ELAVL1: variants seen among roughly 807,000 people sequenced by gnomAD.
The protein encoded by ELAVL1 is ELAV like RNA binding protein 1.
A neutral mutation model predicts 28.4 loss-of-function variants in ELAVL1; 1 was observed. That is an observed-to-expected ratio of 0.04 (90% CI 0.01 to 0.17). The LOEUF is 0.17. Ranked by LOEUF, ELAVL1 falls within the 10% of genes least tolerant of loss-of-function variation. The pLI is 1.00. For missense variants in ELAVL1, 157 were observed against 447.2 expected, an observed-to-expected ratio of 0.35 and a Z score of 5.85; for synonymous variants, 174 against 183.5, an observed-to-expected ratio of 0.95 and a Z score of 0.42.
rs1453411043 is a variant in ELAVL1, at chr19:7,981,823, G to A, written c.173-637C>T. ...GGGCCTGGGTGGTGAGGATGAGGAAGGCCACGGCAGTGGACAGGCTGGTGG... is the reference window on the plus strand; with the variant it reads ...GGGCCTGGGTGGTGAGGATGAGGAAAGCCACGGCAGTGGACAGGCTGGTGG... On this transcript the variant is annotated intron_variant, in intron 2 of 5. Transcript: ENST00000407627. The surrounding 1 kb of genome is among the most constrained non-coding windows in gnomAD (Gnocchi z 4.2). Among the ~76,000 whole-genome samples, 1 of 151,716 alleles carries A rather than the reference G, an allele frequency of 6.6e-6. No homozygotes were observed. Among genetic ancestry groups the A allele is most frequent in the Non-Finnish European group, 1.5e-5 (1 of 67,822 alleles).
At chr19:7,965,943 A>C (rs753373183) in intron 5 of ELAVL1, among the ~76,000 whole-genome samples, 2 of 152,206 alleles carry the variant, frequency 1.3e-5, no homozygotes, top group African/African-American at 2.4e-5. Flanking sequence ...CCAGCTTTGG[A>C]ATTTGAGCCA....
At position 7,979,381 on chromosome 19, in the gene ELAVL1, C is replaced by T. The variant is rs903896538; in HGVS notation, c.276+1702G>A. ...AACTCAGGCAGCCACTCCAGCCTTT[C>T]CCACCAACATCAATCCTAGAGAGGC... On this transcript the variant is annotated intron_variant, in intron 3 of 5. Coordinates refer to ENST00000407627, the MANE Select transcript of ELAVL1 (RefSeq NM_001419.3). The surrounding 1 kb of genome is among the most constrained non-coding windows in gnomAD (Gnocchi z 5.4). Among the ~76,000 whole-genome samples, 2 of 152,250 alleles carry T rather than the reference C, an allele frequency of 1.3e-5. No individual in the cohort carries two copies. Among genetic ancestry groups the T allele is most frequent in the African/African-American group, 4.8e-5 (2 of 41,462 alleles).
At chr19:7,987,649 T>C (rs1038163541) in intron 2 of ELAVL1, among the ~76,000 whole-genome samples, 16 of 152,246 alleles carry the variant, frequency 1.1e-4, no homozygotes, top group African/African-American at 2.9e-4. Context: ...CAGTATTTGC[T>C]GAATGATGAT....
chr19:7,967,071 T>C (rs750826382), intron 5 of ELAVL1, among the ~76,000 whole-genome samples: 8 of 151,812 alleles, frequency 5.3e-5, no homozygotes, highest in Non-Finnish European at 1.0e-4. Flanking sequence ...GTTCTGGCCC[T>C]GTGGCCCAGG....
At chr19:7,987,125 G>GC (rs1436207267) in intron 2 of ELAVL1, among the ~76,000 whole-genome samples, 1 of 146,112 alleles carries the variant, frequency 6.8e-6, no homozygotes, top group Admixed American at 6.7e-5. Context: ...CCGGGGGGGG[G>GC]GGAGGGTGCA....
intron 1 of ELAVL1, chr19:8,002,119 C>T: frequency 2.3e-6 from 3 of 1,289,434 alleles, no homozygotes; most frequent in Non-Finnish European, 3.0e-6. Flanking sequence ...CTACCCATCT[C>T]AGCCTTCTTG....
Position 7,982,248 on chromosome 19 carries a change from A to G in ELAVL1, c.173-1062T>C, listed in dbSNP as rs1985484635. Among the ~76,000 whole-genome samples, 1 of 152,240 alleles carries G rather than the reference A, an allele frequency of 6.6e-6. No homozygotes were observed. Among genetic ancestry groups the G allele is most frequent in the South Asian group, 2.1e-4 (1 of 4,834 alleles). ...CACTAAAGGGGAAGTGAGGAGGCAC[A>G]GGGAAGAGCGCAATCCCCGTCTCCC... On this transcript the variant is annotated intron_variant, in intron 2 of 5. Transcript: ENST00000407627. This position sits in a 1 kb window ranked among gnomAD's most constrained non-coding sequence, Gnocchi z 4.3.
chr19:7,991,849 G>T lies in ELAVL1; in HGVS notation c.-16-18C>A, dbSNP rs748311286. Reference sequence around the variant, plus strand: ...TCAAAAATCTGCCAAGAGAAAAAGAGCAAGTAAATTCAAAATGTTCATATT... The same window carrying T: ...TCAAAAATCTGCCAAGAGAAAAAGATCAAGTAAATTCAAAATGTTCATATT... On this transcript the variant is annotated intron_variant, in intron 1 of 5. Coordinates refer to ENST00000407627, the MANE Select transcript of ELAVL1 (RefSeq NM_001419.3). 1.8e-5 allele frequency: 29 copies of T among 1,568,426 alleles called. No individual in the cohort carries two copies. Among genetic ancestry groups the T allele is most frequent in the African/African-American group, 1.1e-4 (8 of 73,306 alleles).
At chr19:8,004,837 AG>A (rs2081081398) in intron 1 of ELAVL1, among the ~76,000 whole-genome samples, 1 of 152,182 alleles carries the variant, frequency 6.6e-6, no homozygotes, top group Admixed American at 6.5e-5. Flanking sequence ...AAAGGAAGGA[AG>A]GGCATCCATC....
At chr19:7,998,536 C>G (rs1440049999) in intron 1 of ELAVL1, among the ~76,000 whole-genome samples, 1 of 152,236 alleles carries the variant, frequency 6.6e-6, no homozygotes, top group Admixed American at 6.5e-5. Context: ...TCGCCACCCT[C>G]CCTTCCCGCT....
chr19:7,993,498 A>T (rs1985805125), intron 1 of ELAVL1, among the ~76,000 whole-genome samples: 1 of 152,230 alleles, frequency 6.6e-6, no homozygotes, highest in South Asian at 2.1e-4. Flanking sequence ...CACAGTTTGC[A>T]GGCTTTGAAA....
chr19:7,979,913 G>T lies in ELAVL1; in HGVS notation c.276+1170C>A, dbSNP rs1043667682. On this transcript the variant is annotated intron_variant, in intron 3 of 5. Transcript: ENST00000407627. This position sits in a 1 kb window ranked among gnomAD's most constrained non-coding sequence, Gnocchi z 5.4. ...TCAGGTCACAGAACCCCTCTTGGTG[G>T]GCAGGCAAAAATCCAGGCTCCCAGG... Among the ~76,000 whole-genome samples the T allele has an allele frequency of 1.3e-5, 2 of 152,164 alleles. No individual in the cohort carries two copies. The highest frequency in any genetic ancestry group is 4.8e-5 in the African/African-American group (2 of 41,430).
intron 4 of ELAVL1, among the ~76,000 whole-genome samples, chr19:7,970,353 CACCATGTTG>C (rs1985072773): frequency 6.6e-6 from 1 of 152,218 alleles, no homozygotes; most frequent in Non-Finnish European, 1.5e-5. Context: ...GACGGGGTTT[CACCATGTTG>C]GCCAGGATGG....
chr19:7,963,370 A>G lies in ELAVL1; in HGVS notation c.*113T>C, dbSNP rs974364781. 3.1e-6 allele frequency: 4 copies of G among 1,289,104 alleles called. No individual in the cohort carries two copies. The highest frequency in any genetic ancestry group is 4.3e-6 in the Non-Finnish European group (4 of 940,774). 79.9% of individuals were successfully genotyped at this position (1,289,104 alleles called of 1,614,324 possible). ...AAAAACCTTCTCACTTCTCATTCAG[A>G]CAAAGACAAACACTTGTGAAAATTG... On this transcript the variant is annotated 3_prime_UTR_variant, in exon 6 of 6. Coordinates refer to ENST00000407627, the MANE Select transcript of ELAVL1 (RefSeq NM_001419.3). The surrounding 1 kb of genome is among the most constrained non-coding windows in gnomAD (Gnocchi z 4.5).
Position 7,959,133 on chromosome 19 carries a change from T to C in ELAVL1, c.*4350A>G, listed in dbSNP as rs1456419999. The C allele has an allele frequency of 6.6e-6, 1 of 151,860 alleles. No homozygotes were observed. The highest frequency in any genetic ancestry group is 1.5e-5 in the Non-Finnish European group (1 of 67,826). 9.4% of individuals were successfully genotyped at this position (151,860 alleles called of 1,614,324 possible). A position where few individuals can be genotyped will look rare whatever the true frequency, so the allele number is the denominator to read the frequency against. ...TTTCTTTTTTTTTTTCTGAAAATAA[T>C]TTAAAAAGCTTAAAAGTTACATAGG... On this transcript the variant is annotated 3_prime_UTR_variant, in exon 6 of 6. Transcript: ENST00000407627.
intron 1 of ELAVL1, chr19:8,002,353 T>C (rs2081071052): frequency 2.7e-6 from 1 of 364,000 alleles, no homozygotes; most frequent in African/African-American, 2.1e-5. Flanking sequence ...AGGGCATAAT[T>C]CTCACAGCAC....
chr19:7,986,720 A>G (rs1421644497), intron 2 of ELAVL1, among the ~76,000 whole-genome samples: 1 of 152,182 alleles, frequency 6.6e-6, no homozygotes, highest in Non-Finnish European at 1.5e-5. Flanking sequence ...ATATCAACAA[A>G]TGGGAAGCAG....
Position 7,971,837 on chromosome 19 carries a change from A to C in ELAVL1, c.430+1888T>G, listed in dbSNP as rs191049704. Among the ~76,000 whole-genome samples the C allele has an allele frequency of 1.1e-4, 16 of 152,288 alleles. No homozygotes were observed. In the East Asian group the frequency reaches 2.9e-3, roughly 28 times the overall value. ...TGCCAGGTGGGGTTCCTACAGCCGG[A>C]AAGGAGGAGGAAGAGAGACTGATAA... On this transcript the variant is annotated intron_variant, in intron 4 of 5. Transcript: ENST00000407627.
chr19:7,997,930 G>A (rs998302079), intron 1 of ELAVL1, among the ~76,000 whole-genome samples: 3 of 152,048 alleles, frequency 2.0e-5, no homozygotes, highest in Admixed American at 6.6e-5. Flanking sequence ...CAGCGTGGGC[G>A]ACAGAGTGAG....
Sources: allele counts gnomAD v4.1 joint callset (sites outside exome capture counted in the v4.1 genomes callset), GRCh38; gene constraint gnomAD v4.1.1; non-coding constraint Gnocchi (gnomAD v3.1); transcripts MANE v1.5; gene names NCBI Gene and HGNC (gene_info 2026-07-23, HGNC 2026-07-21).